Variants in ATG16L2 observed in about 807,000 individuals in gnomAD.
ATG16L2 encodes autophagy related 16 like 2.
A neutral mutation model predicts 84.7 loss-of-function variants in ATG16L2; 77 were observed. The ratio of observed to expected loss-of-function variants is 0.91; its 90% CI spans 0.76 to 1.10. The LOEUF (loss-of-function observed/expected upper bound fraction) is 1.10, where lower values mean the gene tolerates loss of function less well. Among genes scored for constraint, ATG16L2 ranks in the 50% least tolerant of loss-of-function variants. The pLI is 0.00. For missense variants in ATG16L2, 782 were observed against 817.6 expected, an observed-to-expected ratio of 0.96 and a Z score of 0.53; for synonymous variants, 361 against 342.8, an observed-to-expected ratio of 1.05 and a Z score of -0.59.
At chr11:72,823,698 T>C (rs1860152527) in intron 7 of ATG16L2, 1 of 470,384 alleles carries the variant, frequency 2.1e-6, no homozygotes, top group East Asian at 6.5e-5. Context: ...GGTCACCCAG[T>C]GAGCCTAGGC....
In ATG16L2 at chr11:72,817,796, G is replaced by C. The variant is rs751952468; in HGVS notation, c.259G>C (p.Val87Leu). 1 of 1,613,630 alleles carries C rather than the reference G, an allele frequency of 6.2e-7. No homozygotes were observed. The highest frequency in any genetic ancestry group is 2.2e-5 in the East Asian group (1 of 44,886). Residue 87 changes from valine (V) to leucine (L), a missense_variant, in exon 3 of 18, where the codon GTC becomes CTC. Val to Leu is a conservative substitution (Grantham distance 32). Transcript: ENST00000321297. ...ELDSDQVPSL[V>L]ALRVKWQEEE... ...TGACTCAGACCAAGTCCCATCACTG[G>C]TCGCACTGAGGGTGAAGTGGCAGGA...
At chr11:72,838,690 T>C (rs753494550) in intron 5 of ATG16L2, 37 of 928,044 alleles carry the variant, frequency 4.0e-5, no homozygotes, top group Non-Finnish European at 6.1e-5. Flanking sequence ...TTTTTTGCTC[T>C]GTTCAAGAGT....
intron 5 of ATG16L2, chr11:72,838,947 T>C: frequency 2.2e-6 from 3 of 1,383,806 alleles, no homozygotes; most frequent in Non-Finnish European, 3.0e-6. Flanking sequence ...CAAAACCTAA[T>C]CACTCATCTG....
chr11:72,838,011 T>C (rs974209246), intron 5 of ATG16L2: 11 of 152,204 alleles, frequency 7.2e-5, no homozygotes, highest in Admixed American at 2.6e-4. Flanking sequence ...AAGAACATTA[T>C]ATTGGCTAAT....
At chr11:72,842,172 T>A (rs1304271077) in intron 5 of ATG16L2, among the ~76,000 whole-genome samples, 1 of 152,180 alleles carries the variant, frequency 6.6e-6, no homozygotes, top group African/African-American at 2.4e-5. Flanking sequence ...GAGTGGGGAT[T>A]AGGGGCTCTG....
chr11:72,833,419 A>G (rs1236657704), downstream of ATG16L2, among the ~76,000 whole-genome samples: 1 of 152,146 alleles, frequency 6.6e-6, no homozygotes, highest in Non-Finnish European at 1.5e-5. Context: ...TACTTTACAG[A>G]TGAGGAAAGC....
At chr11:72,825,501 G>C in intron 10 of ATG16L2, 94 bp downstream of exon 10, 3 of 940,870 alleles carry the variant, frequency 3.2e-6, no homozygotes, top group Middle Eastern at 4.3e-4. Context: ...GGATCTCTTT[G>C]TGTTTCTCTA....
chr11:72,818,531 A>G (rs769760709), intron 3 of ATG16L2: 1 of 152,224 alleles, frequency 6.6e-6, no homozygotes, highest in Non-Finnish European at 1.5e-5. Flanking sequence ...TTTGGAGATC[A>G]CATCTAAAAT....
At chr11:72,814,800 T>C (rs1266733153) in intron 1 of ATG16L2, among the ~76,000 whole-genome samples, 2 of 152,208 alleles carry the variant, frequency 1.3e-5, no homozygotes, top group Non-Finnish European at 2.9e-5. Context: ...CAGGACGGGC[T>C]CTGCCTCCCA....
chr11:72,828,244 C>A, intron 14 of ATG16L2, 115 bp from the exon 15 acceptor site: 1 of 1,219,066 alleles, frequency 8.2e-7, no homozygotes, highest in Non-Finnish European at 1.2e-6. Flanking sequence ...CGATCCAGGG[C>A]CCTGGGGTTC....
At chr11:72,814,682 G>A in intron 1 of ATG16L2, 119 bp downstream of exon 1, 1 of 752,562 alleles carries the variant, frequency 1.3e-6, no homozygotes, top group African/African-American at 1.8e-5. Flanking sequence ...TATGCCTTGA[G>A]CCTGTGCGTT....
rs543264335 is a variant in ATG16L2 at position 72,835,995 on chromosome 11, G to C, written c.*22-6622G>C. On this transcript the variant is annotated intron_variant, in intron 5 of 5. Coordinates refer to the ATG16L2 transcript ENST00000534905. The stretch of plus-strand genomic sequence containing the variant: ...ACTCCTGACCTCAAGTGATCTGCCC[G>C]CCTCGGCCTCCCAAAGTGCTGGGAT... Among the ~76,000 whole-genome samples the C allele has an allele frequency of 4.6e-5, 7 of 152,288 alleles. No individual in the cohort carries two copies. In the South Asian group the frequency reaches 1.4e-3, roughly 32 times the overall value.
intron 1 of ATG16L2, 29 bp from the exon 2 acceptor site, chr11:72,816,699 C>T: frequency 6.3e-7 from 1 of 1,578,964 alleles, no homozygotes; most frequent in South Asian, 1.1e-5. Context: ...TCTGTCTCTG[C>T]CCCAGGCTCA....
At chr11:72,843,446 T>C in exon 6 of ATG16L2, 2 of 1,611,418 alleles carry the variant, frequency 1.2e-6, no homozygotes, top group Admixed American at 1.7e-5. Flanking sequence ...CAAAGGAATA[T>C]ACCTTTACCC....
chr11:72,824,649 T>C lies in ATG16L2; in HGVS notation c.888-85T>C, dbSNP rs1860228100. ...TGCCGCCTGCCATGTCTGCTTCCTA[T>C]GGTTGATGCCTCAGGGGAGCTGGAG... is the stretch of plus-strand genomic sequence containing the variant. On this transcript the variant is annotated intron_variant, in intron 8 of 17. Coordinates refer to ENST00000321297, the MANE Select transcript of ATG16L2 (RefSeq NM_033388.2). The C allele has an allele frequency of 7.2e-6, 7 of 966,274 alleles. No individual in the cohort carries two copies. The Admixed American group carries it at 1.2e-4, about 17-fold the overall frequency. The allele number at this position is 966,274 out of a possible 1,614,324, so 59.9% of individuals were successfully genotyped here. A position where few individuals can be genotyped will look rare whatever the true frequency, so the allele number is the denominator to read the frequency against.
At chr11:72,815,902 G>A (rs890173086) in intron 1 of ATG16L2, 3 of 152,194 alleles carry the variant, frequency 2.0e-5, no homozygotes, top group African/African-American at 7.2e-5. Context: ...CCAGAATGTC[G>A]GCTGGATAAT....
chr11:72,816,978 T>TGGAGGTGGTGGGGGTGGG (rs1859736005), intron 2 of ATG16L2, 151 bp downstream of exon 2: 1 of 271,708 alleles, frequency 3.7e-6, no homozygotes, highest in African/African-American at 2.6e-5. Context: ...GTGGGGGTGG[T>TGGAGGTGGTGGGGGTGGG]GGGGGAGGCA....
rs750028212 is a variant in ATG16L2, at chr11:72,817,817, C to A, written c.280C>A (p.Gln94Lys). ...ACTGGTCGCACTGAGGGTGAAGTGG[C>A]AGGAGGAGGAGGAGGGGCTCCGGCT... ...PSLVALRVKW[Q>K]EEEEGLRLVC... Residue 94 changes from glutamine to lysine, a missense_variant, in exon 3 of 18, where the codon CAG becomes AAG. Gln to Lys is a moderately conservative substitution (Grantham distance 53). Coordinates refer to ENST00000321297, the MANE Select transcript of ATG16L2 (RefSeq NM_033388.2). 2.8e-5 allele frequency: 45 copies of A among 1,612,692 alleles called. No individual in the cohort carries two copies. Among genetic ancestry groups the A allele is most frequent in the African/African-American group, 4.0e-5 (3 of 74,868 alleles).
At chr11:72,815,266 G>A (rs1859641973) in intron 1 of ATG16L2, among the ~76,000 whole-genome samples, 1 of 152,366 alleles carries the variant, frequency 6.6e-6, no homozygotes, top group South Asian at 2.1e-4. Context: ...GCGATTGTAT[G>A]TCTGTGGTTG....
Sources: allele counts gnomAD v4.1 joint callset (sites outside exome capture counted in the v4.1 genomes callset), GRCh38; gene constraint gnomAD v4.1.1; transcripts MANE v1.5; gene names NCBI Gene and HGNC (gene_info 2026-07-23, HGNC 2026-07-21).